Variants in NEBL observed in about 807,000 individuals in gnomAD.
The protein encoded by NEBL is LIM and SH3 protein 2.
NEBL carries 122 observed loss-of-function variants against 140.2 expected under a neutral mutation model. The ratio of observed to expected loss-of-function variants is 0.87; its 90% confidence interval spans 0.75 to 1.01. NEBL has a LOEUF of 1.01. NEBL is among the 50% of genes least tolerant of loss of function. NEBL has a pLI of 0.00. For synonymous variants in NEBL, 436 were observed against 398.9 expected, an observed-to-expected ratio of 1.09 and a Z score of -1.11; for missense variants, 1,365 against 1,231.3, an observed-to-expected ratio of 1.11 and a Z score of -1.62.
At chr10:20,883,791 TAAA>T (rs1029262932) in intron 4 of NEBL, among the ~76,000 whole-genome samples, 9 of 152,204 alleles carry the variant, frequency 5.9e-5, no homozygotes, top group Non-Finnish European at 8.8e-5. Flanking sequence ...CACTCTTTCT[TAAA>T]AAGGCTATGT....
chr10:20,956,323 C>T (rs948894710), intron 4 of NEBL, among the ~76,000 whole-genome samples: 2 of 152,288 alleles, frequency 1.3e-5, no homozygotes, highest in African/African-American at 2.4e-5. Context: ...GGTATTCATA[C>T]ATCTGTTAGG....
intron 2 of NEBL, among the ~76,000 whole-genome samples, chr10:21,164,053 C>T (rs1196831548): frequency 1.3e-5 from 2 of 152,184 alleles, no homozygotes; most frequent in East Asian, 3.8e-4. Flanking sequence ...GCCTGAAGAA[C>T]TGTTAGACCC....
intron 24 of NEBL, among the ~76,000 whole-genome samples, chr10:20,811,447 A>G (rs942575562): frequency 6.6e-6 from 1 of 152,220 alleles, no homozygotes; most frequent in Non-Finnish European, 1.5e-5. Flanking sequence ...GCACAAAGCA[A>G]TGAAACTCTA....
chr10:21,075,734 G>A (rs745874206), intron 2 of NEBL, among the ~76,000 whole-genome samples: 9 of 152,138 alleles, frequency 5.9e-5, no homozygotes, highest in African/African-American at 9.7e-5. Context: ...CATTTAAATC[G>A]TCAGTCCACT....
intron 4 of NEBL, among the ~76,000 whole-genome samples, chr10:20,961,094 C>A (rs1433047820): frequency 6.6e-6 from 1 of 152,144 alleles, no homozygotes; most frequent in African/African-American, 2.4e-5. Flanking sequence ...GTTTATCCAC[C>A]TTTAATAAGT....
At chr10:21,213,679 G>A (rs1276672564) in intron 3 of NEBL, among the ~76,000 whole-genome samples, 3 of 152,224 alleles carry the variant, frequency 2.0e-5, no homozygotes, top group East Asian at 3.8e-4. Context: ...TGGGCTTGAG[G>A]AGTAGAGTAA....
At chr10:21,012,820 C>T (rs2131744536) in intron 3 of NEBL, among the ~76,000 whole-genome samples, 1 of 152,274 alleles carries the variant, frequency 6.6e-6, no homozygotes, top group Non-Finnish European at 1.5e-5. Flanking sequence ...TCACACCTCC[C>T]TCCACCGTCA....
chr10:20,984,966 ATG>A (rs1430682691), intron 3 of NEBL, among the ~76,000 whole-genome samples: 12 of 152,174 alleles, frequency 7.9e-5, no homozygotes, highest in Non-Finnish European at 1.6e-4. Context: ...CTTGCCTCTT[ATG>A]AGAGTCTGAT....
At chr10:20,938,420 A>G (rs1374395592) in intron 4 of NEBL, among the ~76,000 whole-genome samples, 1 of 152,246 alleles carries the variant, frequency 6.6e-6, no homozygotes, top group Non-Finnish European at 1.5e-5. Context: ...AAGGACATCC[A>G]CACCAAAAAC....
chr10:20,884,835 G>A (rs182500098), intron 4 of NEBL, among the ~76,000 whole-genome samples: 13 of 152,334 alleles, frequency 8.5e-5, no homozygotes, highest in Admixed American at 3.9e-4. Flanking sequence ...GAAGGATCTC[G>A]CCACCTCATG....
intron 3 of NEBL, among the ~76,000 whole-genome samples, chr10:21,182,398 T>C (rs1451966806): frequency 6.6e-6 from 1 of 152,126 alleles, no homozygotes; most frequent in Non-Finnish European, 1.5e-5. Context: ...ATCGTTTGAA[T>C]CCAGGAGTTC....
intron 3 of NEBL, among the ~76,000 whole-genome samples, chr10:21,003,770 T>C (rs923487872): frequency 6.6e-6 from 1 of 152,234 alleles, no homozygotes; most frequent in Non-Finnish European, 1.5e-5. Context: ...TGTCATATAA[T>C]TCTGCTTTTC....
Position 21,269,991 on chromosome 10 carries a change from C to T in NEBL, n.183-18163G>A, listed in dbSNP as rs527453498. On this transcript the variant is annotated intron_variant and non_coding_transcript_variant, in intron 1 of 8. Coordinates refer to the NEBL transcript ENST00000675702. ...TTTGTTTTCAAATTCTCTATTGCTT[C>T]TGTGCATGAACTCCATGTAAAATTG... is the stretch of plus-strand genomic sequence containing the variant. Among the ~76,000 whole-genome samples, 15 of 152,308 alleles carry T rather than the reference C, an allele frequency of 9.8e-5. No homozygotes were observed. In the East Asian group the frequency reaches 1.7e-3, roughly 18 times the overall value.
At chr10:20,952,440 GAAAAAA>G (rs71390801) in intron 4 of NEBL, among the ~76,000 whole-genome samples, 1 of 101,740 alleles carries the variant, frequency 9.8e-6, no homozygotes. Context: ...CTGTCTGAAG[GAAAAAA>G]AAAAAAAAAA....
chr10:21,181,797 CT>C (rs1841392330), intron 3 of NEBL, among the ~76,000 whole-genome samples: 2 of 152,346 alleles, frequency 1.3e-5, no homozygotes, highest in South Asian at 4.1e-4. Flanking sequence ...CTCTTGGCAT[CT>C]TTTCATCTTC....
chr10:21,111,990 T>A (rs957391052), intron 2 of NEBL, among the ~76,000 whole-genome samples: 1 of 152,078 alleles, frequency 6.6e-6, no homozygotes, highest in African/African-American at 2.4e-5. Flanking sequence ...CATGAAAAAA[T>A]GCTCATCATC....
intron 2 of NEBL, among the ~76,000 whole-genome samples, chr10:21,045,114 A>T (rs1353432964): frequency 6.6e-6 from 1 of 152,212 alleles, no homozygotes; most frequent in Non-Finnish European, 1.5e-5. Flanking sequence ...AAATTGTTAA[A>T]ATTAAAACTG....
chr10:21,213,199 C>A (rs1285918870), intron 3 of NEBL, among the ~76,000 whole-genome samples: 1 of 152,156 alleles, frequency 6.6e-6, no homozygotes, highest in East Asian at 1.9e-4. Flanking sequence ...TCAAAGAATG[C>A]AGAAAAAGAT....
At chr10:21,068,627 G>A (rs1835673170) in intron 2 of NEBL, among the ~76,000 whole-genome samples, 1 of 152,180 alleles carries the variant, frequency 6.6e-6, no homozygotes, top group Non-Finnish European at 1.5e-5. Flanking sequence ...GGACCCATGG[G>A]CTCTGGTCTT....
Sources: gnomAD v4.1 joint callset for allele counts (sites outside exome capture counted in the v4.1 genomes callset) on GRCh38, gnomAD v4.1.1 for gene constraint, MANE v1.5 for transcripts, NCBI Gene and HGNC (gene_info 2026-07-23, HGNC 2026-07-21) for gene names.